MEGF11: variants seen among roughly 807,000 people sequenced by gnomAD.
The protein encoded by MEGF11 is multiple epidermal growth factor-like domains protein 11.
A neutral mutation model predicts 146.6 loss-of-function variants in MEGF11; 126 were observed. That is an observed-to-expected ratio of 0.86 (90% CI 0.74 to 1.00). MEGF11 has a LOEUF of 1.00. Among genes scored for constraint, MEGF11 ranks in the 50% least tolerant of loss-of-function variants. The pLI, the probability that MEGF11 is intolerant of heterozygous loss-of-function variation, is 0.00. For missense variants in MEGF11, 1,509 were observed against 1,521.2 expected (o/e 0.99, Z 0.13); for synonymous variants, 532 against 583.4 (o/e 0.91, Z 1.27).
intron 9 of MEGF11, among the ~76,000 whole-genome samples, chr15:65,959,349 G>C (rs914159225): frequency 3.3e-5 from 5 of 152,160 alleles, no homozygotes; most frequent in African/African-American, 7.2e-5. Flanking sequence ...AGAAAATGAG[G>C]GGGTGGACAG....
intron 5 of MEGF11, among the ~76,000 whole-genome samples, chr15:66,008,123 A>G (rs1431993785): frequency 1.3e-5 from 2 of 152,162 alleles, no homozygotes; most frequent in East Asian, 3.9e-4. Flanking sequence ...GGAACCACAC[A>G]CTTCACTGTG....
intron 5 of MEGF11, among the ~76,000 whole-genome samples, chr15:65,986,792 C>CTTTTTTTTTTTTTTTT (rs1491353062): frequency 3.0e-5 from 4 of 134,006 alleles, no homozygotes; most frequent in African/African-American, 1.1e-4. Context: ...GCTGATTTTT[C>CTTTTTTTTTTTTTTTT]CTTTTTTTTT....
At chr15:66,028,895 G>C (rs1458986424) in intron 5 of MEGF11, among the ~76,000 whole-genome samples, 1 of 152,192 alleles carries the variant, frequency 6.6e-6, no homozygotes, top group Non-Finnish European at 1.5e-5. Flanking sequence ...GACTAGAGGT[G>C]ATTTATTTTT....
intron 1 of MEGF11, among the ~76,000 whole-genome samples, chr15:66,231,568 A>T (rs1197981538): frequency 2.0e-5 from 3 of 152,108 alleles, no homozygotes; most frequent in African/African-American, 7.2e-5. Context: ...CTCTACAGAA[A>T]CAGATGCTCC....
At chr15:66,037,002 G>A (rs1421272322) in intron 5 of MEGF11, among the ~76,000 whole-genome samples, 1 of 152,212 alleles carries the variant, frequency 6.6e-6, no homozygotes, top group Non-Finnish European at 1.5e-5. Context: ...GTCCCTGGCT[G>A]GGCTGCTATC....
intron 5 of MEGF11, among the ~76,000 whole-genome samples, chr15:66,075,140 C>T (rs2085519327): frequency 6.6e-6 from 1 of 152,140 alleles, no homozygotes; most frequent in Admixed American, 6.5e-5. Context: ...CTCTGACATC[C>T]TGATTCACAA....
intron 24 of MEGF11, among the ~76,000 whole-genome samples, chr15:65,904,127 C>G (rs1346168306): frequency 6.6e-6 from 1 of 152,204 alleles, no homozygotes; most frequent in East Asian, 1.9e-4. Context: ...AATCAATGTA[C>G]AGGACAACAC....
At chr15:66,030,160 GCA>G (rs2083465476) in intron 5 of MEGF11, among the ~76,000 whole-genome samples, 1 of 152,158 alleles carries the variant, frequency 6.6e-6, no homozygotes, top group Admixed American at 6.5e-5. Flanking sequence ...GACTTCTCGT[GCA>G]CACAGGCCAC....
chr15:66,066,944 C>T (rs1204918005), intron 5 of MEGF11, among the ~76,000 whole-genome samples: 1 of 152,214 alleles, frequency 6.6e-6, no homozygotes, highest in South Asian at 2.1e-4. Context: ...AGTTCTCCTC[C>T]GTGTGAGGGT....
intron 10 of MEGF11, among the ~76,000 whole-genome samples, chr15:65,944,187 G>A (rs1360352005): frequency 6.6e-6 from 1 of 152,154 alleles, no homozygotes. Flanking sequence ...TAGGCACACA[G>A]GGATGAAATG....
At chr15:66,137,536 T>G (rs897053633) in intron 1 of MEGF11, among the ~76,000 whole-genome samples, 4 of 150,404 alleles carry the variant, frequency 2.7e-5, no homozygotes, top group Admixed American at 6.7e-5. Flanking sequence ...GTCTGGATGA[T>G]GATATTTTGG....
intron 2 of MEGF11, among the ~76,000 whole-genome samples, chr15:66,126,669 G>A (rs2088364962): frequency 6.6e-6 from 1 of 152,174 alleles, no homozygotes; most frequent in African/African-American, 2.4e-5. Flanking sequence ...GGGGCTGTGA[G>A]GCAGCAGAGA....
intron 1 of MEGF11, among the ~76,000 whole-genome samples, chr15:66,235,045 G>A (rs554757865): frequency 6.6e-6 from 1 of 152,302 alleles, no homozygotes; most frequent in Admixed American, 6.5e-5. Flanking sequence ...GCACAAAGCA[G>A]GAGAGGGGGC....
At chr15:66,165,214 G>T (rs771655395) in intron 1 of MEGF11, among the ~76,000 whole-genome samples, 1 of 152,186 alleles carries the variant, frequency 6.6e-6, no homozygotes, top group Admixed American at 6.5e-5. Flanking sequence ...GGCAGGCACG[G>T]GTTTGAATCC....
chr15:66,248,859 C>A (rs150955414), intron 1 of MEGF11, among the ~76,000 whole-genome samples: 131 of 152,330 alleles, frequency 8.6e-4, no homozygotes, highest in African/African-American at 3.0e-3. Context: ...GTTAAGCCTG[C>A]ATAATTACTG....
chr15:65,966,237 G>A (rs182797437), intron 8 of MEGF11, among the ~76,000 whole-genome samples: 90 of 152,172 alleles, frequency 5.9e-4, no homozygotes, highest in Middle Eastern at 3.4e-3. Flanking sequence ...CTCATGATCC[G>A]CCTGCCTCGG....
chr15:65,969,186 A>G (rs1348371076), intron 8 of MEGF11, among the ~76,000 whole-genome samples: 2 of 152,190 alleles, frequency 1.3e-5, no homozygotes, highest in African/African-American at 4.8e-5. Flanking sequence ...CCAATGAGCT[A>G]GGGTCTACTG....
At chr15:66,224,632 A>G (rs2091809891) in intron 1 of MEGF11, among the ~76,000 whole-genome samples, 2 of 96,508 alleles carry the variant, frequency 2.1e-5, no homozygotes, top group Admixed American at 2.2e-4. Context: ...ATTATATATT[A>G]TTACTTATTA....
chr15:66,144,693 G>C (rs1379136241), intron 1 of MEGF11, among the ~76,000 whole-genome samples: 1 of 152,160 alleles, frequency 6.6e-6, no homozygotes, highest in East Asian at 1.9e-4. Context: ...CCCCGGGGCT[G>C]GTACAAGTGC....
Sources: gnomAD v4.1 joint callset for allele counts (sites outside exome capture counted in the v4.1 genomes callset) on GRCh38, gnomAD v4.1.1 for gene constraint, MANE v1.5 for transcripts, NCBI Gene and HGNC (gene_info 2026-07-23, HGNC 2026-07-21) for gene names.